NRG1: variants seen among roughly 807,000 people sequenced by gnomAD.
NRG1 encodes pro-neuregulin-1, membrane-bound isoform.
NRG1 carries 18 observed loss-of-function variants against 63.8 expected under a neutral mutation model. The ratio of observed to expected loss-of-function variants is 0.28; its 90% CI spans 0.19 to 0.42. The LOEUF is 0.42. Among genes scored for constraint, NRG1 ranks in the 10% least tolerant of loss-of-function variants. NRG1 has a pLI of 1.00. For synonymous variants in NRG1, 302 were observed against 301.3 expected (o/e 1.00, Z -0.02); for missense variants, 762 against 814.7 (o/e 0.94, Z 0.79).
chr8:32,437,687 A>G (rs938929996), intron 1 of NRG1, among the ~76,000 whole-genome samples: 2 of 152,210 alleles, frequency 1.3e-5, no homozygotes, highest in African/African-American at 2.4e-5. Context: ...TTATCCATGA[A>G]GATGGTCCTT....
At chr8:31,948,043 G>A (rs1317699825) in intron 1 of NRG1, among the ~76,000 whole-genome samples, 1 of 150,374 alleles carries the variant, frequency 6.7e-6, no homozygotes, top group Non-Finnish European at 1.5e-5. Flanking sequence ...ATTTATAAAG[G>A]TGTAGAAGAT....
chr8:32,095,269 A>G (rs1829755207), intron 1 of NRG1, among the ~76,000 whole-genome samples: 1 of 152,164 alleles, frequency 6.6e-6, no homozygotes, highest in Non-Finnish European at 1.5e-5. Flanking sequence ...AGATAACATG[A>G]GCAGAGACTG....
At chr8:32,255,915 T>A (rs1258626371) in intron 1 of NRG1, among the ~76,000 whole-genome samples, 2 of 152,326 alleles carry the variant, frequency 1.3e-5, no homozygotes, top group South Asian at 4.1e-4. Flanking sequence ...TCCTTTTCAT[T>A]CTTTTTTCTC....
At chr8:32,440,474 T>C (rs1332800801) in intron 1 of NRG1, among the ~76,000 whole-genome samples, 1 of 152,152 alleles carries the variant, frequency 6.6e-6, no homozygotes, top group African/African-American at 2.4e-5. Flanking sequence ...GTGATTTGTA[T>C]AATGGCAGGA....
chr8:32,383,450 AC>A (rs776608214), intron 1 of NRG1, among the ~76,000 whole-genome samples: 6 of 152,134 alleles, frequency 3.9e-5, no homozygotes, highest in Non-Finnish European at 7.4e-5. Flanking sequence ...TAGGTCACAT[AC>A]CTAAGTAACC....
chr8:31,840,140 A>G (rs979179748), intron 1 of NRG1, among the ~76,000 whole-genome samples: 2 of 152,174 alleles, frequency 1.3e-5, no homozygotes, highest in Admixed American at 6.5e-5. Flanking sequence ...ACGAAAATGT[A>G]TGTGGCCTAA....
chr8:32,650,121 A>AG (rs1245919965), intron 5 of NRG1, among the ~76,000 whole-genome samples: 2 of 152,216 alleles, frequency 1.3e-5, no homozygotes, highest in Non-Finnish European at 2.9e-5. Flanking sequence ...CTGATCTAAG[A>AG]CCATGTCAGA....
At chr8:31,909,465 C>T (rs1037336400) in intron 1 of NRG1, among the ~76,000 whole-genome samples, 6 of 152,074 alleles carry the variant, frequency 3.9e-5, no homozygotes, top group African/African-American at 1.4e-4. Flanking sequence ...GAAGTTGTCT[C>T]CATATGAAAC....
At chr8:31,752,547 G>T (rs898982509) in intron 1 of NRG1, among the ~76,000 whole-genome samples, 4 of 152,024 alleles carry the variant, frequency 2.6e-5, no homozygotes, top group Admixed American at 2.6e-4. Flanking sequence ...TGTAATCTAG[G>T]CTTGTCATTT....
chr8:32,770,338 A>G (rs562298794), downstream of NRG1, among the ~76,000 whole-genome samples: 16 of 152,262 alleles, frequency 1.1e-4, no homozygotes, highest in African/African-American at 3.6e-4. Flanking sequence ...GGAAGGTTAA[A>G]ATCTTTCTTG....
At chr8:31,639,524 C>T (rs1803525288) in intron 1 of NRG1, 3 of 1,496,554 alleles carry the variant, frequency 2.0e-6, no homozygotes, top group Admixed American at 2.0e-5. Flanking sequence ...CTCTCTCCCT[C>T]GCGCTCTCTC....
At chr8:31,877,121 C>T (rs1012644299) in intron 1 of NRG1, among the ~76,000 whole-genome samples, 8 of 151,986 alleles carry the variant, frequency 5.3e-5, no homozygotes, top group Non-Finnish European at 7.4e-5. Flanking sequence ...AAAAGTGCAC[C>T]GTTATCTTTA....
At chr8:32,621,839 C>T (rs1046125028) in intron 5 of NRG1, among the ~76,000 whole-genome samples, 8 of 152,248 alleles carry the variant, frequency 5.3e-5, no homozygotes, top group African/African-American at 1.9e-4. Flanking sequence ...AGCATTTAAC[C>T]CCAGATAATG....
At chr8:32,304,550 G>T (rs1343868399) in intron 1 of NRG1, among the ~76,000 whole-genome samples, 1 of 152,008 alleles carries the variant, frequency 6.6e-6, no homozygotes, top group Non-Finnish European at 1.5e-5. Context: ...TTTATTTGAT[G>T]ATTTTTGACT....
At chr8:32,652,525 T>C (rs1410325756) in intron 5 of NRG1, among the ~76,000 whole-genome samples, 2 of 152,196 alleles carry the variant, frequency 1.3e-5, no homozygotes, top group East Asian at 1.9e-4. Context: ...TATTGACTCT[T>C]TTTTATTTTT....
chr8:32,507,986 C>A (rs1184977107), intron 1 of NRG1, among the ~76,000 whole-genome samples: 1 of 152,230 alleles, frequency 6.6e-6, no homozygotes, highest in African/African-American at 2.4e-5. Flanking sequence ...GCATGAGCCA[C>A]CGTACCCAGA....
intron 1 of NRG1, among the ~76,000 whole-genome samples, chr8:31,951,345 T>C (rs1057102898): frequency 8.5e-5 from 13 of 152,188 alleles, no homozygotes; most frequent in Admixed American, 5.2e-4. Flanking sequence ...GCATGATATG[T>C]TGCATTGACA....
At chr8:32,150,216 C>A (rs1003985006) in intron 1 of NRG1, among the ~76,000 whole-genome samples, 1 of 152,120 alleles carries the variant, frequency 6.6e-6, no homozygotes, top group Non-Finnish European at 1.5e-5. Flanking sequence ...AGGTTGAAAG[C>A]CTTCTGGAGT....
intron 1 of NRG1, among the ~76,000 whole-genome samples, chr8:32,383,594 G>A (rs908410725): frequency 5.9e-5 from 9 of 152,212 alleles, no homozygotes; most frequent in Non-Finnish European, 1.2e-4. Flanking sequence ...CTTTTGGACT[G>A]GAATTGGACA....
Sources: allele counts gnomAD v4.1 joint callset (sites outside exome capture counted in the v4.1 genomes callset), GRCh38; gene constraint gnomAD v4.1.1; transcripts MANE v1.5; gene names NCBI Gene and HGNC (gene_info 2026-07-23, HGNC 2026-07-21).